Variants in ZKSCAN1 observed in about 807,000 individuals in gnomAD.
ZKSCAN1 encodes zinc finger protein with KRAB and SCAN domains 1.
A neutral mutation model predicts 51.6 loss-of-function variants in ZKSCAN1; 14 were observed. That is an observed-to-expected ratio of 0.27 (90% confidence interval 0.18 to 0.42). The LOEUF (loss-of-function observed/expected upper bound fraction) is 0.42, where lower values mean the gene tolerates loss of function less well. Ranked by LOEUF, ZKSCAN1 falls within the 10% of genes least tolerant of loss-of-function variation. ZKSCAN1 has a pLI of 1.00. For synonymous variants in ZKSCAN1, 263 were observed against 261.5 expected, an observed-to-expected ratio of 1.01 and a Z score of -0.06; for missense variants, 531 against 710.0, an observed-to-expected ratio of 0.75 and a Z score of 2.86.
At chr7:100,042,408 A>C (rs963602179), downstream of ZKSCAN1, among the ~76,000 whole-genome samples, 1 of 151,346 alleles carries the variant, frequency 6.6e-6, no homozygotes, top group Admixed American at 6.6e-5. Flanking sequence ...TTTTACTCAC[A>C]CTTCTGACAC....
At chr7:100,043,471 C>G (rs911853606), downstream of ZKSCAN1, among the ~76,000 whole-genome samples, 1 of 145,710 alleles carries the variant, frequency 6.9e-6, no homozygotes, top group South Asian at 2.3e-4. Flanking sequence ...CCTCAACCTC[C>G]TGGACTCAAG....
chr7:100,036,617 C>A lies in ZKSCAN1; in HGVS notation c.*2420C>A. On this transcript the variant is annotated 3_prime_UTR_variant, in exon 6 of 6. Transcript: ENST00000324306. ...CCTGTAATCCCAGCTACTTGGGAGG[C>A]TGAGGCAGGAGAATCACTTGAACCC... 2 of 738,268 alleles carry A rather than the reference C, an allele frequency of 2.7e-6. No individual in the cohort carries two copies. The highest frequency in any genetic ancestry group is 3.3e-6 in the Non-Finnish European group (2 of 604,794). The allele number at this position is 738,268 out of a possible 1,614,324, so 45.7% of individuals were successfully genotyped here.
rs1791597838 is a variant in ZKSCAN1 at position 100,041,620 on chromosome 7, G to A, written c.*7423G>A. 1.0e-6 allele frequency: 1 copy of A among 985,382 alleles called. No homozygotes were observed. 61.0% of individuals were successfully genotyped at this position (985,382 alleles called of 1,614,324 possible). On this transcript the variant is annotated 3_prime_UTR_variant, in exon 6 of 6. Transcript: ENST00000324306. Reference sequence around the variant, plus strand: ...TTGAGGAAGGAAATTGTGGGGATTTGAAATATTCTCTTTATGTTGTTTCTC... The same window carrying A: ...TTGAGGAAGGAAATTGTGGGGATTTAAAATATTCTCTTTATGTTGTTTCTC...
At chr7:100,027,515 C>T (rs1584338831) in intron 3 of ZKSCAN1, among the ~76,000 whole-genome samples, 1 of 151,442 alleles carries the variant, frequency 6.6e-6, no homozygotes, top group East Asian at 2.0e-4. Flanking sequence ...CTTTGGGAAG[C>T]CGAGGCAGGA....
At position 100,037,071 on chromosome 7, in the gene ZKSCAN1, T is replaced by G; in HGVS notation, c.*2874T>G. The G allele has an allele frequency of 1.0e-6, 1 of 985,452 alleles. No homozygotes were observed. The allele number at this position is 985,452 out of a possible 1,614,324, so 61.0% of individuals were successfully genotyped here. On this transcript the variant is annotated 3_prime_UTR_variant, in exon 6 of 6. Coordinates refer to ENST00000324306, the MANE Select transcript of ZKSCAN1 (RefSeq NM_003439.4). Reference sequence around the variant, plus strand: ...TTTTCTGAGGAAAACAGGCTACAACTGTTTATTAAAACCACTTGCAGTGCA... The same window carrying G: ...TTTTCTGAGGAAAACAGGCTACAACGGTTTATTAAAACCACTTGCAGTGCA...
chr7:100,027,897 T>G (rs936796173), intron 3 of ZKSCAN1, among the ~76,000 whole-genome samples: 3 of 151,844 alleles, frequency 2.0e-5, no homozygotes, highest in Non-Finnish European at 4.4e-5. Context: ...AGCACTAGAT[T>G]ATAGAGTTTA....
rs143272634 is a variant in ZKSCAN1 at position 100,022,870 on chromosome 7, C to G, written c.-88-549C>G. Among the ~76,000 whole-genome samples the G allele has an allele frequency of 5.6e-3, 852 of 152,300 alleles. 5 individuals carry two copies. The highest frequency in any genetic ancestry group is 0.019 in the African/African-American group (799 of 41,566). On this transcript the variant is annotated intron_variant, in intron 1 of 5. Transcript: ENST00000324306. ...GCACTGTTAATGCTCCATTTCGTAA[C>G]CTGCTGTCAACCTGCAGGTAAATCA...
At position 100,036,272 on chromosome 7, in the gene ZKSCAN1, A is replaced by G; in HGVS notation, c.*2075A>G. The G allele has an allele frequency of 1.0e-6, 1 of 985,446 alleles. No homozygotes were observed. Among genetic ancestry groups the G allele is most frequent in the East Asian group, 1.1e-4 (1 of 8,820 alleles). 61.0% of individuals were successfully genotyped at this position (985,446 alleles called of 1,614,324 possible). Reference sequence around the variant, plus strand: ...GTCACTAGGATATTTCTACCCATGCAACGGAAGAAAAACCCATTACTCCAG... The same window carrying G: ...GTCACTAGGATATTTCTACCCATGCGACGGAAGAAAAACCCATTACTCCAG... On this transcript the variant is annotated 3_prime_UTR_variant, in exon 6 of 6. Transcript: ENST00000324306.
chr7:100,033,231 G>A lies in ZKSCAN1; in HGVS notation c.800-74G>A, dbSNP rs1791189240. 2 of 1,486,106 alleles carry A rather than the reference G, an allele frequency of 1.3e-6. No individual in the cohort carries two copies. The highest frequency in any genetic ancestry group is 1.8e-6 in the Non-Finnish European group (2 of 1,124,478). 92.1% of individuals were successfully genotyped at this position (1,486,106 alleles called of 1,614,324 possible). Reference sequence around the variant, plus strand: ...TTTGCAGCCGTGTAGAAGCTTCTCGGGAAACTGTCGCTTGACCCACCTGTA... The same window carrying A: ...TTTGCAGCCGTGTAGAAGCTTCTCGAGAAACTGTCGCTTGACCCACCTGTA... On this transcript the variant is annotated intron_variant, in intron 5 of 5. Coordinates refer to ENST00000324306, the MANE Select transcript of ZKSCAN1 (RefSeq NM_003439.4). The surrounding 1 kb of genome is among the most constrained non-coding windows in gnomAD (Gnocchi z 4.1).
At chr7:100,042,000 TACTG>T (rs1161464638), downstream of ZKSCAN1, among the ~76,000 whole-genome samples, 1 of 152,086 alleles carries the variant, frequency 6.6e-6, no homozygotes, top group African/African-American at 2.4e-5. Flanking sequence ...CATATGGAAT[TACTG>T]ATAACAACAG....
chr7:100,035,307 A>G lies in ZKSCAN1; in HGVS notation c.*1110A>G, dbSNP rs1791307745. 1 of 152,234 alleles carries G rather than the reference A, an allele frequency of 6.6e-6. No homozygotes were observed. The highest frequency in any genetic ancestry group is 3.2e-3 in the Middle Eastern group (1 of 316). The allele number at this position is 152,234 out of a possible 1,614,324, so 9.4% of individuals were successfully genotyped here. A position where few individuals can be genotyped will look rare whatever the true frequency, so the allele number is the denominator to read the frequency against. Reference sequence around the variant, plus strand: ...TTTGTTCCAAATATAAACGAAAGGCACTAGTCAGCCGCCTGCATAGACTTT... The same window carrying G: ...TTTGTTCCAAATATAAACGAAAGGCGCTAGTCAGCCGCCTGCATAGACTTT... On this transcript the variant is annotated 3_prime_UTR_variant, in exon 6 of 6. Coordinates refer to ENST00000324306, the MANE Select transcript of ZKSCAN1 (RefSeq NM_003439.4).
chr7:100,029,744 G>A, intron 3 of ZKSCAN1, 117 bp from the exon 4 acceptor site: 1 of 901,366 alleles, frequency 1.1e-6, no homozygotes, highest in South Asian at 1.7e-5. Context: ...TCTGTATTTG[G>A]GACCTAAACA....
chr7:100,042,821 G>A (rs1354591454), downstream of ZKSCAN1, among the ~76,000 whole-genome samples: 3 of 133,924 alleles, frequency 2.2e-5, no homozygotes, highest in Admixed American at 8.0e-5. Flanking sequence ...TTTTTTAGAC[G>A]GAGTCTCGCT....
chr7:100,045,041 C>G, downstream of ZKSCAN1: 1 of 918,096 alleles, frequency 1.1e-6, no homozygotes, highest in Non-Finnish European at 1.3e-6. Flanking sequence ...GTGCCAGAGA[C>G]AACACTAAAT....
chr7:100,037,641 G>A lies in ZKSCAN1; in HGVS notation c.*3444G>A. The A allele has an allele frequency of 4.1e-6, 4 of 985,456 alleles. No individual in the cohort carries two copies. Among genetic ancestry groups the A allele is most frequent in the Non-Finnish European group, 4.8e-6 (4 of 829,940 alleles). The allele number at this position is 985,456 out of a possible 1,614,324, so 61.0% of individuals were successfully genotyped here. A position where few individuals can be genotyped will look rare whatever the true frequency, so the allele number is the denominator to read the frequency against. ...TATTATATGTGAGGAAAACTTTCAT[G>A]TATAGCACTCATTGCTTCAGACAGA... On this transcript the variant is annotated 3_prime_UTR_variant, in exon 6 of 6. Transcript: ENST00000324306.
At chr7:100,030,076 C>T (rs1791042545) in intron 4 of ZKSCAN1, 124 bp downstream of exon 4, 2 of 1,388,740 alleles carry the variant, frequency 1.4e-6, no homozygotes, top group Admixed American at 2.1e-5. Context: ...ACCCTGTCCT[C>T]TCCTTTTAGC....
chr7:100,023,302 C>G, intron 1 of ZKSCAN1, 117 bp from the exon 2 acceptor site: 1 of 540,422 alleles, frequency 1.9e-6, no homozygotes, highest in Non-Finnish European at 3.1e-6. Flanking sequence ...TGAGCCACCA[C>G]CCCCGGCCTC....
chr7:100,039,319 A>G lies in ZKSCAN1; in HGVS notation c.*5122A>G. 4.6e-6 allele frequency: 4 copies of G among 876,284 alleles called. No individual in the cohort carries two copies. The highest frequency in any genetic ancestry group is 5.4e-6 in the Non-Finnish European group (4 of 735,464). The allele number at this position is 876,284 out of a possible 1,614,324, so 54.3% of individuals were successfully genotyped here. A position where few individuals can be genotyped will look rare whatever the true frequency, so the allele number is the denominator to read the frequency against. ...AGAGACTCTGTCTCAAAAAAAGAAA[A>G]AAAAAAAAGAAAGAAAGAAAGAAAA... On this transcript the variant is annotated 3_prime_UTR_variant, in exon 6 of 6. Transcript: ENST00000324306.
Position 100,033,319 on chromosome 7 carries a change from A to G in ZKSCAN1, c.814A>G (p.Asn272Asp), listed in dbSNP as rs770020945. Residue 272 changes from asparagine to aspartate, a missense_variant, in exon 6 of 6, where the codon AAT (asparagine) becomes GAT (aspartate). Coordinates refer to ENST00000324306, the MANE Select transcript of ZKSCAN1 (RefSeq NM_003439.4). The surrounding 1 kb of genome is among the most constrained non-coding windows in gnomAD (Gnocchi z 4.1). ...SAFPQGGENRNENEESTSKAE... is the reference protein window; with the variant it reads ...SAFPQGGENRDENEESTSKAE... ...TATTATGTCAGGTGGTGAAAACAGG[A>G]ATGAGAACGAGGAGTCAACCTCAAA... 204 of 1,602,040 alleles carry G rather than the reference A, an allele frequency of 1.3e-4. No homozygotes were observed. Among genetic ancestry groups the G allele is most frequent in the Non-Finnish European group, 1.7e-4 (197 of 1,176,204 alleles).
Sources: allele counts gnomAD v4.1 joint callset (sites outside exome capture counted in the v4.1 genomes callset), GRCh38; gene constraint gnomAD v4.1.1; non-coding constraint Gnocchi (gnomAD v3.1); transcripts MANE v1.5; gene names NCBI Gene and HGNC (gene_info 2026-07-23, HGNC 2026-07-21).